KIF26B: variants seen among roughly 807,000 people sequenced by gnomAD.
KIF26B encodes kinesin-like protein KIF26B.
Under a neutral mutation model 151.2 loss-of-function variants are expected in KIF26B, and 63 were observed. The observed-to-expected ratio is 0.42, with a 90% CI of 0.34 to 0.51. The LOEUF (loss-of-function observed/expected upper bound fraction) is 0.51. KIF26B is among the 20% of genes least tolerant of loss of function. The pLI is 0.07. For missense variants in KIF26B, 2,813 were observed against 2,913.6 expected (o/e 0.97, Z 0.79); for synonymous variants, 1,357 against 1,262.1 (o/e 1.08, Z -1.59).
chr1:245,242,338 C>A (rs1282635364), intron 2 of KIF26B, among the ~76,000 whole-genome samples: 1 of 152,162 alleles, frequency 6.6e-6, no homozygotes, highest in Admixed American at 6.5e-5. Flanking sequence ...AAGAATGAAA[C>A]AATAAAGATT....
chr1:245,609,529 G>A lies in KIF26B; in HGVS notation c.1914+1G>A. On this transcript the variant is annotated splice_donor_variant, in intron 8 of 14. Coordinates refer to ENST00000407071, the MANE Select transcript of KIF26B (RefSeq NM_018012.4). LOFTEE classifies it high-confidence loss of function. ...TGAGGACCCCATCTGCGGCACGCAG[G>A]TGATTGCTTCTGAAGCCTGGCTCGC... 6.5e-7 allele frequency: 1 copy of A among 1,534,440 alleles called. No individual in the cohort carries two copies. The highest frequency in any genetic ancestry group is 8.8e-7 in the Non-Finnish European group (1 of 1,139,194).
intron 5 of KIF26B, among the ~76,000 whole-genome samples, chr1:245,571,465 G>A (rs2103123152): frequency 6.6e-6 from 1 of 152,338 alleles, no homozygotes; most frequent in African/African-American, 2.4e-5. Flanking sequence ...TTCCTTCACT[G>A]ATGAGAAAGT....
chr1:245,344,992 G>A (rs1672418890), intron 2 of KIF26B, among the ~76,000 whole-genome samples: 2 of 152,082 alleles, frequency 1.3e-5, no homozygotes, highest in Admixed American at 1.3e-4. Context: ...TTCTGCAGGA[G>A]ATGGAGGGTT....
Position 245,564,280 on chromosome 1 carries a change from A to G in KIF26B, c.1350+23330A>G, listed in dbSNP as rs527621599. Among the ~76,000 whole-genome samples the G allele has an allele frequency of 1.3e-5, 2 of 152,264 alleles. No homozygotes were observed. The highest frequency in any genetic ancestry group is 6.5e-5 in the Admixed American group (1 of 15,298). On this transcript the variant is annotated intron_variant, in intron 5 of 14. Coordinates refer to ENST00000407071, the MANE Select transcript of KIF26B (RefSeq NM_018012.4). The surrounding 1 kb of genome is among the most constrained non-coding windows in gnomAD (Gnocchi z 4.6). The stretch of plus-strand genomic sequence containing the variant: ...ACACACTGTCACTTTCCCTGGGAAC[A>G]GATTCGACCTGGGCAGAATGCTCTT...
At chr1:245,231,907 GA>G (rs1034910825) in intron 2 of KIF26B, among the ~76,000 whole-genome samples, 10 of 152,098 alleles carry the variant, frequency 6.6e-5, no homozygotes, top group Non-Finnish European at 1.0e-4. Flanking sequence ...CAAAGTTATC[GA>G]AAAAAAAGTT....
At chr1:245,316,985 T>C (rs142278082) in intron 2 of KIF26B, among the ~76,000 whole-genome samples, 7 of 152,228 alleles carry the variant, frequency 4.6e-5, no homozygotes, top group Admixed American at 1.3e-4. Context: ...CAGGAGTGCA[T>C]ATTGGATCTG....
chr1:245,611,196 G>C (rs1427910234), intron 8 of KIF26B, among the ~76,000 whole-genome samples: 1 of 152,192 alleles, frequency 6.6e-6, no homozygotes, highest in Non-Finnish European at 1.5e-5. Context: ...CAAGTATCGT[G>C]AGTGTTTGAG....
intron 7 of KIF26B, among the ~76,000 whole-genome samples, chr1:245,608,623 C>A (rs1012554234): frequency 1.2e-4 from 19 of 152,134 alleles, no homozygotes; most frequent in African/African-American, 4.6e-4. Flanking sequence ...ATAAAAAGAA[C>A]CATAATGATG....
intron 2 of KIF26B, among the ~76,000 whole-genome samples, chr1:245,342,958 C>T (rs189257827): frequency 2.5e-3 from 384 of 151,828 alleles, no homozygotes; most frequent in East Asian, 4.7e-3. Context: ...TGGTGGTGGG[C>T]GCCTGTAATT....
intron 4 of KIF26B, among the ~76,000 whole-genome samples, chr1:245,485,462 C>T (rs1221327872): frequency 1.3e-5 from 2 of 149,846 alleles, no homozygotes; most frequent in Non-Finnish European, 2.9e-5. Flanking sequence ...CGGCTCACTG[C>T]AACCTCCACC....
chr1:245,392,438 C>T (rs1400468155), intron 3 of KIF26B, among the ~76,000 whole-genome samples: 1 of 152,080 alleles, frequency 6.6e-6, no homozygotes, highest in African/African-American at 2.4e-5. Flanking sequence ...TTTTTGATAC[C>T]TTGGATCTGA....
In KIF26B at chr1:245,283,952, C is replaced by T. The variant is rs562342087; in HGVS notation, c.466-82882C>T. Among the ~76,000 whole-genome samples the T allele has an allele frequency of 2.0e-5, 3 of 152,296 alleles. No homozygotes were observed. The East Asian group carries it at 5.8e-4, about 29-fold the overall frequency. On this transcript the variant is annotated intron_variant, in intron 2 of 14. Coordinates refer to ENST00000407071, the MANE Select transcript of KIF26B (RefSeq NM_018012.4). The stretch of plus-strand genomic sequence containing the variant: ...CTGCCTGCCTTGGCCTCCCACAGTG[C>T]TGGGATTACAGGCGTGAGCCGCTGC...
At chr1:245,467,689 G>A (rs1394574662) in intron 4 of KIF26B, among the ~76,000 whole-genome samples, 2 of 152,200 alleles carry the variant, frequency 1.3e-5, no homozygotes, top group Admixed American at 6.5e-5. Flanking sequence ...GAGGTCAGGA[G>A]TTTGAGACCA....
chr1:245,184,050 G>GTTGTTTTTTTTTTTTTTTTTTTTTT (rs1553332271), intron 2 of KIF26B, among the ~76,000 whole-genome samples: 20 of 19,812 alleles, frequency 1.0e-3, no homozygotes, highest in African/African-American at 2.0e-3. Flanking sequence ...GGGAGTTGTT[G>GTTGTTTTTTTTTTTTTTTTTTTTTT]TTTTTTTTTT....
intron 2 of KIF26B, among the ~76,000 whole-genome samples, chr1:245,225,103 A>G (rs1270390179): frequency 6.6e-6 from 1 of 152,170 alleles, no homozygotes; most frequent in African/African-American, 2.4e-5. Context: ...CCTTTTTACA[A>G]ATTTACAACA....
At chr1:245,186,727 A>G (rs1204704320) in intron 2 of KIF26B, among the ~76,000 whole-genome samples, 1 of 152,252 alleles carries the variant, frequency 6.6e-6, no homozygotes, top group Non-Finnish European at 1.5e-5. Flanking sequence ...ATCAAATGAA[A>G]TAGCAGAAGT....
At chr1:245,335,754 GGGAGAGTCCCACGCAGGGAAA>G (rs1383975506) in intron 2 of KIF26B, among the ~76,000 whole-genome samples, 34 of 137,312 alleles carry the variant, frequency 2.5e-4, no homozygotes, top group African/African-American at 6.9e-4. Flanking sequence ...GTCCCACGCA[GGGAGAGTCCCACGCAGGGAAA>G]GGAGAGTCCC....
chr1:245,440,803 A>G (rs1659061059), intron 4 of KIF26B, among the ~76,000 whole-genome samples: 1 of 152,230 alleles, frequency 6.6e-6, no homozygotes, highest in Non-Finnish European at 1.5e-5. Context: ...GGTGGCTGAA[A>G]GTGGGCGAGG....
intron 5 of KIF26B, among the ~76,000 whole-genome samples, chr1:245,562,942 C>T (rs2042970672): frequency 6.6e-6 from 1 of 151,886 alleles, no homozygotes; most frequent in Admixed American, 6.6e-5. Context: ...GAACTCCTGG[C>T]TTTAAGGGAA....
Sources: allele counts gnomAD v4.1 joint callset (sites outside exome capture counted in the v4.1 genomes callset), GRCh38; gene constraint gnomAD v4.1.1; non-coding constraint Gnocchi (gnomAD v3.1); transcripts MANE v1.5; gene names NCBI Gene and HGNC (gene_info 2026-07-23, HGNC 2026-07-21).